Variants in STX2 observed in about 807,000 individuals in gnomAD.
STX2 encodes the protein syntaxin 2, also known as syntaxin-2.
In STX2, 27 loss-of-function variants were observed where a neutral mutation model predicts 40.6. The ratio of observed to expected loss-of-function variants is 0.66; its 90% CI spans 0.49 to 0.92. The LOEUF is 0.92. Among genes scored for constraint, STX2 ranks in the 40% least tolerant of loss-of-function variants. The probability of loss-of-function intolerance (pLI) is 0.00; values close to 1 mark genes in which losing one functional copy is unlikely to be tolerated. For synonymous variants in STX2, 123 were observed against 119.1 expected, an observed-to-expected ratio of 1.03 and a Z score of -0.22; for missense variants, 328 against 366.1, an observed-to-expected ratio of 0.90 and a Z score of 0.85.
At chr12:130,828,179 T>C (rs1037265688) in intron 1 of STX2, among the ~76,000 whole-genome samples, 1 of 152,172 alleles carries the variant, frequency 6.6e-6, no homozygotes, top group African/African-American at 2.4e-5. Flanking sequence ...TATTAATATA[T>C]AAACCAATAA....
intron 3 of STX2, 65 bp downstream of exon 3, chr12:130,821,624 T>C: frequency 7.6e-7 from 1 of 1,320,620 alleles, no homozygotes; most frequent in Non-Finnish European, 1.1e-6. Context: ...TTGAGGCCTG[T>C]GCCGCAGACA....
chr12:130,817,355 A>G (rs931898606), intron 3 of STX2, among the ~76,000 whole-genome samples: 2 of 152,234 alleles, frequency 1.3e-5, no homozygotes, highest in Non-Finnish European at 2.9e-5. Context: ...CCTGAAAGAC[A>G]ATCGCTGAAG....
intron 4 of STX2, among the ~76,000 whole-genome samples, chr12:130,811,767 C>T (rs944951344): frequency 5.9e-5 from 9 of 152,066 alleles, no homozygotes; most frequent in Admixed American, 2.6e-4. Flanking sequence ...GTCTCGATCT[C>T]CTGACCTTGT....
At chr12:130,832,708 G>C (rs1952615731) in intron 1 of STX2, among the ~76,000 whole-genome samples, 1 of 152,224 alleles carries the variant, frequency 6.6e-6, no homozygotes, top group South Asian at 2.1e-4. Context: ...TGGAGACGAA[G>C]AGAAACCCTC....
chr12:130,814,401 C>G (rs1205072125), intron 3 of STX2, among the ~76,000 whole-genome samples: 1 of 152,046 alleles, frequency 6.6e-6, no homozygotes, highest in Non-Finnish European at 1.5e-5. Context: ...GACATCTGAC[C>G]TGGGAGTGGA....
intron 3 of STX2, among the ~76,000 whole-genome samples, chr12:130,814,560 G>T (rs1593155638): frequency 6.6e-6 from 1 of 151,676 alleles, no homozygotes; most frequent in East Asian, 1.9e-4. Flanking sequence ...GGCTTTTACT[G>T]AGGGCACCAG....
chr12:130,820,219 A>G (rs1952060181), intron 3 of STX2, among the ~76,000 whole-genome samples: 1 of 152,228 alleles, frequency 6.6e-6, no homozygotes, highest in Non-Finnish European at 1.5e-5. Flanking sequence ...AACGGTCACT[A>G]TTTATTCACA....
At chr12:130,836,442 T>C (rs753042977) in intron 1 of STX2, among the ~76,000 whole-genome samples, 2 of 152,084 alleles carry the variant, frequency 1.3e-5, no homozygotes, top group Non-Finnish European at 2.9e-5. Flanking sequence ...GGCTGAGTTT[T>C]TGTATGTTTT....
chr12:130,809,235 TACAC>T (rs1167419525), intron 4 of STX2, among the ~76,000 whole-genome samples: 1 of 151,758 alleles, frequency 6.6e-6, no homozygotes, highest in Non-Finnish European at 1.5e-5. Context: ...TATACACAGA[TACAC>T]ACAGATATAT....
At chr12:130,808,607 A>C in intron 5 of STX2, 24 bp downstream of exon 5, 1 of 1,602,164 alleles carries the variant, frequency 6.2e-7, no homozygotes, top group South Asian at 1.1e-5. Context: ...CATTACTTTA[A>C]TCTAAACGAG....
chr12:130,814,298 CA>C lies in STX2; in HGVS notation c.206-1268del, dbSNP rs146640616. ...AGACAAACCCAGGAAGCGCCAATGC[CA>C]CGCAGAGACTAACAACGGACGAGAC... is the stretch of plus-strand genomic sequence containing the variant. On this transcript the variant is annotated intron_variant, in intron 3 of 10. Coordinates refer to ENST00000392373, the MANE Select transcript of STX2 (RefSeq NM_194356.4). 4.8e-3 allele frequency among the ~76,000 whole-genome samples: 737 copies of C among 152,224 alleles called. 2 individuals carry two copies. The highest frequency in any genetic ancestry group is 0.017 in the African/African-American group (700 of 41,534).
chr12:130,810,305 C>T (rs1951599925), intron 4 of STX2, among the ~76,000 whole-genome samples: 1 of 152,112 alleles, frequency 6.6e-6, no homozygotes, highest in Non-Finnish European at 1.5e-5. Context: ...AATTTTTAGT[C>T]CTTCCTTTAT....
chr12:130,829,573 T>C (rs1952478502), intron 1 of STX2, among the ~76,000 whole-genome samples: 1 of 152,018 alleles, frequency 6.6e-6, no homozygotes, highest in Non-Finnish European at 1.5e-5. Context: ...GGGGACCCCC[T>C]CTCTTAGAAA....
chr12:130,793,779 C>G (rs1227166920), intron 10 of STX2, among the ~76,000 whole-genome samples: 1 of 152,214 alleles, frequency 6.6e-6, no homozygotes, highest in Admixed American at 6.5e-5. Context: ...GGAGGGGCAG[C>G]AGCCAGCCCC....
chr12:130,819,005 T>C (rs887733139), intron 3 of STX2, among the ~76,000 whole-genome samples: 1 of 152,246 alleles, frequency 6.6e-6, no homozygotes, highest in East Asian at 1.9e-4. Context: ...AAAGAAATAA[T>C]ACAAAAGTAG....
At chr12:130,834,475 G>A (rs536333937) in intron 1 of STX2, among the ~76,000 whole-genome samples, 7 of 152,216 alleles carry the variant, frequency 4.6e-5, no homozygotes, top group South Asian at 2.1e-4. Context: ...GTATCAGTCC[G>A]GAGGCAGGAG....
intron 1 of STX2, among the ~76,000 whole-genome samples, chr12:130,835,998 CTTTGTT>C (rs1565942950): frequency 6.6e-6 from 1 of 152,184 alleles, no homozygotes; most frequent in Non-Finnish European, 1.5e-5. Flanking sequence ...ATCACAAATA[CTTTGTT>C]AATCAGACAT....
chr12:130,819,351 G>A (rs12316635), intron 3 of STX2, among the ~76,000 whole-genome samples: 9,572 of 151,394 alleles, frequency 0.063, 399 homozygotes, highest in Non-Finnish European at 0.092. Flanking sequence ...GAACAAGGCG[G>A]GAAGGCCAAG....
Position 130,798,643 on chromosome 12 carries a change from CAA to C in STX2, c.676-10_676-9del. ...GTTGTTGATCATTTCACCCTTAAAA[CAA>C]AAAGTTTCAAACTTAGAAGACATTT... On this transcript the variant is annotated splice_polypyrimidine_tract_variant and intron_variant, in intron 8 of 10. Transcript: ENST00000392373. 1.9e-6 allele frequency: 3 copies of C among 1,572,504 alleles called. No homozygotes were observed. Among genetic ancestry groups the C allele is most frequent in the Admixed American group, 3.9e-5 (2 of 50,652 alleles).
Sources: gnomAD v4.1 joint callset for allele counts (sites outside exome capture counted in the v4.1 genomes callset) on GRCh38, gnomAD v4.1.1 for gene constraint, MANE v1.5 for transcripts, NCBI Gene and HGNC (gene_info 2026-07-23, HGNC 2026-07-21) for gene names.